Variants in RBFOX3 observed in about 807,000 individuals in gnomAD.
The protein encoded by RBFOX3 is RNA binding fox-1 homolog 3, also known as RNA binding protein fox-1 homolog 3.
In RBFOX3, 17 loss-of-function variants were observed where a neutral mutation model predicts 48.7. That is an observed-to-expected ratio of 0.35 (90% confidence interval 0.24 to 0.52). The LOEUF (loss-of-function observed/expected upper bound fraction) is 0.52, where lower values mean the gene tolerates loss of function less well. Among genes scored for constraint, RBFOX3 ranks in the 20% least tolerant of loss-of-function variants. The pLI is 0.94. For missense variants in RBFOX3, 382 were observed against 497.5 expected, an observed-to-expected ratio of 0.77 and a Z score of 2.21; for synonymous variants, 212 against 209.5, an observed-to-expected ratio of 1.01 and a Z score of -0.10.
chr17:79,420,128 T>TACACACACACACAC (rs58282867), intron 2 of RBFOX3, among the ~76,000 whole-genome samples: 1,761 of 114,168 alleles, frequency 0.015, 58 homozygotes, highest in African/African-American at 0.05. Context: ...CTCCGTCTCA[T>TACACACACACACAC]ACACACACAC....
chr17:79,093,747 G>T (rs1452828466), intron 14 of RBFOX3, among the ~76,000 whole-genome samples: 2 of 151,648 alleles, frequency 1.3e-5, no homozygotes, highest in Admixed American at 1.3e-4. Flanking sequence ...GCTGGAAGCA[G>T]CTCTGGGTGC....
rs1224016670 is a variant in RBFOX3, at chr17:79,443,317, AACAC to A, written c.-175+39133_-175+39136del. 6.6e-6 allele frequency among the ~76,000 whole-genome samples: 1 copy of A among 151,980 alleles called. No homozygotes were observed. The highest frequency in any genetic ancestry group is 1.5e-5 in the Non-Finnish European group (1 of 68,030). ...GGGAGACCAGGCCAAGGCCTTGCCA[AACAC>A]ACACTCACATAAATGCAGTCATGCT... On this transcript the variant is annotated intron_variant, in intron 2 of 14. Coordinates refer to ENST00000693108, the MANE Select transcript of RBFOX3 (RefSeq NM_001350451.2). The surrounding 1 kb of genome is among the most constrained non-coding windows in gnomAD (Gnocchi z 4.4).
At chr17:79,125,786 G>C (rs1359907917) in intron 4 of RBFOX3, among the ~76,000 whole-genome samples, 5 of 152,216 alleles carry the variant, frequency 3.3e-5, no homozygotes, top group Non-Finnish European at 7.4e-5. Context: ...CTGGTGGCGA[G>C]GCTGGGCACC....
intron 2 of RBFOX3, among the ~76,000 whole-genome samples, chr17:79,407,276 G>A (rs548635800): frequency 6.6e-6 from 1 of 152,344 alleles, no homozygotes; most frequent in Non-Finnish European, 1.5e-5. Context: ...CCAAAGTGCC[G>A]GGATTACAGG....
At position 79,424,252 on chromosome 17, in the gene RBFOX3, G is replaced by T. The variant is rs112822095; in HGVS notation, c.-175+58202C>A. 1,142 of 152,538 alleles carry T rather than the reference G, an allele frequency of 7.5e-3. 8 individuals carry two copies. Among genetic ancestry groups the T allele is most frequent in the Admixed American group, 9.7e-3 (149 of 15,312 alleles). 9.4% of individuals were successfully genotyped at this position (152,538 alleles called of 1,614,324 possible). A position where few individuals can be genotyped will look rare whatever the true frequency, so the allele number is the denominator to read the frequency against. On this transcript the variant is annotated intron_variant, in intron 2 of 14. Transcript: ENST00000693108. Reference sequence around the variant, plus strand: ...GGGGCTCTCCCAGCACAGGTGGCGTGGGAATCATAGCCTGTCCGGGCCTCC... The same window carrying T: ...GGGGCTCTCCCAGCACAGGTGGCGTTGGAATCATAGCCTGTCCGGGCCTCC...
At chr17:79,092,087 C>CCCCT in intron 14 of RBFOX3, 1 of 985,474 alleles carries the variant, frequency 1.0e-6, no homozygotes, top group Non-Finnish European at 1.2e-6. Context: ...GTGCCTGGAG[C>CCCCT]CCCTCCCTCC....
At chr17:79,152,692 G>A (rs1049442016) in intron 4 of RBFOX3, among the ~76,000 whole-genome samples, 1 of 152,212 alleles carries the variant, frequency 6.6e-6, no homozygotes, top group Non-Finnish European at 1.5e-5. Context: ...CAGCCAGCGA[G>A]AGGGCCAGAG....
At chr17:79,588,779 G>A (rs1367006022) in intron 1 of RBFOX3, among the ~76,000 whole-genome samples, 1 of 147,720 alleles carries the variant, frequency 6.8e-6, no homozygotes, top group Admixed American at 7.2e-5. Flanking sequence ...TCCTGAGCTT[G>A]GACCTGGGCC....
At chr17:79,177,884 C>CCCGGCCCTCT (rs2050946938) in intron 4 of RBFOX3, among the ~76,000 whole-genome samples, 1 of 152,330 alleles carries the variant, frequency 6.6e-6, no homozygotes, top group African/African-American at 2.4e-5. Flanking sequence ...CATCCCTGGC[C>CCCGGCCCTCT]CCGGCCCTCT....
chr17:79,561,506 G>A (rs879206336), intron 1 of RBFOX3, among the ~76,000 whole-genome samples: 106,087 of 152,002 alleles, frequency 0.7, 37,267 homozygotes, highest in East Asian at 0.94. Flanking sequence ...ACACACGAAC[G>A]AGGCTGACCC....
intron 2 of RBFOX3, among the ~76,000 whole-genome samples, chr17:79,406,013 A>G (rs1242729905): frequency 6.6e-6 from 1 of 152,136 alleles, no homozygotes; most frequent in East Asian, 1.9e-4. Context: ...ACCTCCCTGC[A>G]TGTATTGGCC....
intron 2 of RBFOX3, among the ~76,000 whole-genome samples, chr17:79,422,127 A>G (rs1270995903): frequency 6.6e-6 from 1 of 151,738 alleles, no homozygotes; most frequent in East Asian, 1.9e-4. Flanking sequence ...GCCGGGGAGG[A>G]GAGGAGAGGT....
chr17:79,197,911 C>T (rs747109321), intron 4 of RBFOX3, among the ~76,000 whole-genome samples: 4 of 152,184 alleles, frequency 2.6e-5, no homozygotes, highest in African/African-American at 4.8e-5. Context: ...TGCCCTTCCT[C>T]ACCTCCCCCG....
intron 4 of RBFOX3, among the ~76,000 whole-genome samples, chr17:79,228,187 C>T (rs1399524184): frequency 2.0e-5 from 3 of 152,162 alleles, no homozygotes; most frequent in Non-Finnish European, 4.4e-5. Flanking sequence ...CTCACTATCT[C>T]GCCTCTCCTC....
chr17:79,375,998 T>C (rs76900489), intron 2 of RBFOX3, among the ~76,000 whole-genome samples: 2,427 of 152,328 alleles, frequency 0.016, 64 homozygotes, highest in African/African-American at 0.055. Context: ...TTGTAGAATA[T>C]GAAGATCCAT....
Position 79,366,671 on chromosome 17 carries a change from T to A in RBFOX3, c.-174-58847A>T, listed in dbSNP as rs930246366. Among the ~76,000 whole-genome samples, 79 of 152,174 alleles carry A rather than the reference T, an allele frequency of 5.2e-4. 1 individual carries two copies. Among genetic ancestry groups the A allele is most frequent in the Non-Finnish European group, 7.6e-4 (52 of 67,982 alleles). On this transcript the variant is annotated intron_variant, in intron 2 of 14. Coordinates refer to ENST00000693108, the MANE Select transcript of RBFOX3 (RefSeq NM_001350451.2). The stretch of plus-strand genomic sequence containing the variant: ...GCCGCCAGCCCAGCATCTGCTCAAC[T>A]AGAGGAGGATGAATGCAGGGCCCCA...
chr17:79,181,995 AC>A (rs1478282491), intron 4 of RBFOX3, among the ~76,000 whole-genome samples: 7 of 137,164 alleles, frequency 5.1e-5, no homozygotes, highest in African/African-American at 1.6e-4. Flanking sequence ...ACACACACAC[AC>A]ACACAAACAC....
At position 79,198,651 on chromosome 17, in the gene RBFOX3, A is replaced by G. The variant is rs1222159734; in HGVS notation, c.-34+37115T>C. Among the ~76,000 whole-genome samples the G allele has an allele frequency of 1.5e-4, 23 of 148,834 alleles. No individual in the cohort carries two copies. The South Asian group carries it at 2.3e-3, about 15-fold the overall frequency. ...CTCTCTTTTTTTTTTTTTAAGATGG[A>G]GTCTTGCTCTGTCACTCAAGCTGGA... is the stretch of plus-strand genomic sequence containing the variant. On this transcript the variant is annotated intron_variant, in intron 4 of 14. Coordinates refer to ENST00000693108, the MANE Select transcript of RBFOX3 (RefSeq NM_001350451.2). This position sits in a 1 kb window ranked among gnomAD's most constrained non-coding sequence, Gnocchi z 8.2.
chr17:79,504,602 C>A lies in RBFOX3; in HGVS notation c.-319-22004G>T, dbSNP rs1467505260. On this transcript the variant is annotated intron_variant, in intron 1 of 14. Transcript: ENST00000693108. Reference sequence around the variant, plus strand: ...AACTCTCTGGCTTGTGGCTGCATCGCTCCAGTCTCTGCTTCTGTGGTCACA... The same window carrying A: ...AACTCTCTGGCTTGTGGCTGCATCGATCCAGTCTCTGCTTCTGTGGTCACA... Among the ~76,000 whole-genome samples, 7 of 152,322 alleles carry A rather than the reference C, an allele frequency of 4.6e-5. No individual in the cohort carries two copies. The East Asian group carries it at 1.4e-3, about 29-fold the overall frequency.
Sources: gnomAD v4.1 joint callset for allele counts (sites outside exome capture counted in the v4.1 genomes callset) on GRCh38, gnomAD v4.1.1 for gene constraint, Gnocchi (gnomAD v3.1) non-coding constraint, MANE v1.5 for transcripts, NCBI Gene and HGNC (gene_info 2026-07-23, HGNC 2026-07-21) for gene names.